The following FGD2 variants were observed in gnomAD, a reference collection of about 807,000 sequenced individuals.
The protein encoded by FGD2 is FYVE, RhoGEF and PH domain-containing protein 2.
FGD2 carries 52 observed loss-of-function variants against 75.9 expected under a neutral mutation model. The ratio of observed to expected loss-of-function variants is 0.69; its 90% CI spans 0.55 to 0.86. The LOEUF (loss-of-function observed/expected upper bound fraction) is 0.86. FGD2 is among the 40% of genes least tolerant of loss of function. FGD2 has a pLI of 0.00. For synonymous variants in FGD2, 347 were observed against 348.6 expected (o/e 1.00, Z 0.05); for missense variants, 790 against 872.0 (o/e 0.91, Z 1.18).
rs150215244 is a variant in FGD2, at chr6:37,006,306, G to T, written c.68+421G>T. ...ATGCCAAATAAAATGTGGTGGTTGTGGGGGAGGCATTACAGGTAAAGCTGG... is the reference window on the plus strand; with the variant it reads ...ATGCCAAATAAAATGTGGTGGTTGTTGGGGAGGCATTACAGGTAAAGCTGG... On this transcript the variant is annotated intron_variant, in intron 1 of 15. Transcript: ENST00000274963. 5.2e-3 allele frequency among the ~76,000 whole-genome samples: 791 copies of T among 152,310 alleles called. 8 individuals carry two copies. Among genetic ancestry groups the T allele is most frequent in the Non-Finnish European group, 6.5e-3 (442 of 68,020 alleles).
At chr6:37,018,452 G>A (rs1471534491) in intron 9 of FGD2, among the ~76,000 whole-genome samples, 1 of 152,160 alleles carries the variant, frequency 6.6e-6, no homozygotes, top group Non-Finnish European at 1.5e-5. Context: ...TCTTGCCTTT[G>A]ACCATCATGA....
Position 37,005,698 on chromosome 6 carries a change from C to G in FGD2, c.-120C>G. 1 of 1,079,646 alleles carries G rather than the reference C, an allele frequency of 9.3e-7. No individual in the cohort carries two copies. The highest frequency in any genetic ancestry group is 1.4e-6 in the Non-Finnish European group (1 of 719,926). 66.9% of individuals were successfully genotyped at this position (1,079,646 alleles called of 1,614,324 possible). The stretch of plus-strand genomic sequence containing the variant: ...GACCTTCTGAGCCCTCAAGAAAGAT[C>G]AGAACAGATTCATGGGTGATTTAGC... On this transcript the variant is annotated 5_prime_UTR_variant, in exon 1 of 16. It adds an upstream start codon to the 5' untranslated region. Transcript: ENST00000274963.
Position 37,005,736 on chromosome 6 carries a change from G to A in FGD2, c.-82G>A. ...TGGGTGATTTAGCCTATCTGTCCCA[G>A]GCCAGCGTGGCTGAGTGTGCTGGCT... is the stretch of plus-strand genomic sequence containing the variant. On this transcript the variant is annotated 5_prime_UTR_variant, in exon 1 of 16. Transcript: ENST00000274963. 6.8e-7 allele frequency: 1 copy of A among 1,465,262 alleles called. No individual in the cohort carries two copies. Among genetic ancestry groups the A allele is most frequent in the South Asian group, 1.2e-5 (1 of 84,846 alleles). 90.8% of individuals were successfully genotyped at this position (1,465,262 alleles called of 1,614,324 possible).
chr6:37,013,378 G>A, intron 4 of FGD2: 1 of 1,256,258 alleles, frequency 8.0e-7, no homozygotes, highest in Non-Finnish European at 1.0e-6. Flanking sequence ...ACTGTGCCGG[G>A]CCTTGTGGAT....
rs1408908718 is a variant in FGD2 at position 37,008,974 on chromosome 6, GGA to G, written c.211_212del (p.Arg71ValfsTer108). 6.2e-7 allele frequency: 1 copy of G among 1,614,274 alleles called. No homozygotes were observed. Among genetic ancestry groups the G allele is most frequent in the South Asian group, 1.1e-5 (1 of 91,090 alleles). On this transcript the variant is annotated frameshift_variant, in exon 2 of 16. Transcript: ENST00000274963. LOFTEE classifies it high-confidence loss of function. ...GGGTCTGAGCCCAGGACAGTCAGCA[GGA>G]GGTACCTGAACTCCCTGAAGAACAA...
chr6:37,015,199 A>G (rs1283349589), intron 8 of FGD2, among the ~76,000 whole-genome samples, 161 bp downstream of exon 8: 1 of 152,196 alleles, frequency 6.6e-6, no homozygotes, highest in African/African-American at 2.4e-5. Flanking sequence ...GACTTTGGAC[A>G]GGTCACCTGC....
intron 11 of FGD2, among the ~76,000 whole-genome samples, 161 bp downstream of exon 11, chr6:37,020,900 G>GTGTGTC (rs1477839377): frequency 1.3e-5 from 2 of 151,372 alleles, no homozygotes; most frequent in Admixed American, 1.3e-4. Flanking sequence ...GTGTGTGTGT[G>GTGTGTC]TGTGTGTGTG....
rs748965234 is a variant in FGD2 at position 37,027,990 on chromosome 6, G to A, written c.1795G>A (p.Val599Met). The change falls in exon 16 of 16, where the codon GTG becomes ATG. Residue 599 changes from valine (V) to methionine (M), a missense_variant. By Grantham distance (21) the Val-to-Met change is conservative (BLOSUM62 1). Coordinates refer to ENST00000274963, the MANE Select transcript of FGD2 (RefSeq NM_173558.4). ...HTSIPLLGYQ[V>M]TVGPQGDPRV... Reference sequence around the variant, plus strand: ...CTCCATCCCCCTGCTGGGCTACCAGGTGACTGTTGGGCCCCAGGGGGACCC... The same window carrying A: ...CTCCATCCCCCTGCTGGGCTACCAGATGACTGTTGGGCCCCAGGGGGACCC... 1 of 1,614,100 alleles carries A rather than the reference G, an allele frequency of 6.2e-7. No homozygotes were observed. The highest frequency in any genetic ancestry group is 8.5e-7 in the Non-Finnish European group (1 of 1,180,028).
chr6:37,016,558 G>A (rs879645247), intron 9 of FGD2, among the ~76,000 whole-genome samples: 1 of 146,444 alleles, frequency 6.8e-6, no homozygotes, highest in Non-Finnish European at 1.5e-5. Context: ...TTTTGAGACC[G>A]AGTCTCACTC....
chr6:37,027,667 T>C (rs1765891888), intron 15 of FGD2, 92 bp downstream of exon 15: 6 of 1,479,392 alleles, frequency 4.1e-6, no homozygotes, highest in Non-Finnish European at 5.5e-6. Context: ...GCTAGCTCCA[T>C]ATGTCAGATA....
chr6:37,026,072 T>C, intron 14 of FGD2, 134 bp downstream of exon 14: 1 of 1,463,014 alleles, frequency 6.8e-7, no homozygotes, highest in Non-Finnish European at 9.0e-7. Context: ...CCTCTCCCTC[T>C]TCCTCTCTCT....
intron 7 of FGD2, 76 bp from the exon 8 acceptor site, chr6:37,014,816 G>C (rs554814685): frequency 2.5e-6 from 4 of 1,608,534 alleles, no homozygotes. Flanking sequence ...CCCAGTCCCC[G>C]TCCCCACAAG....
chr6:37,025,741 G>A, intron 13 of FGD2, 51 bp from the exon 14 acceptor site: 1 of 1,608,380 alleles, frequency 6.2e-7, no homozygotes, highest in Non-Finnish European at 8.5e-7. Context: ...CAGGAGCCCA[G>A]CCCTCCGGTG....
chr6:37,015,574 T>G (rs1354609186), intron 8 of FGD2, among the ~76,000 whole-genome samples, 194 bp from the exon 9 acceptor site: 1 of 152,178 alleles, frequency 6.6e-6, no homozygotes, highest in East Asian at 1.9e-4. Flanking sequence ...CTAGGGGAAT[T>G]GGGAGCTTGA....
intron 4 of FGD2, 105 bp downstream of exon 4, chr6:37,011,959 A>G (rs1209334916): frequency 1.5e-6 from 2 of 1,312,438 alleles, no homozygotes; most frequent in Non-Finnish European, 2.1e-6. Flanking sequence ...CCAGGCCCTT[A>G]TTGTGTGGCC....
intron 14 of FGD2, 73 bp from the exon 15 acceptor site, chr6:37,027,356 T>C (rs867247726): frequency 2.6e-6 from 4 of 1,526,650 alleles, no homozygotes; most frequent in Middle Eastern, 3.5e-4. Flanking sequence ...AGATAGTGAT[T>C]GTCAAGCCCC....
intron 9 of FGD2, among the ~76,000 whole-genome samples, chr6:37,018,658 C>A (rs1765420139): frequency 6.6e-6 from 1 of 152,222 alleles, no homozygotes; most frequent in African/African-American, 2.4e-5. Flanking sequence ...GCAGGTTGTA[C>A]ACTGCACAAG....
chr6:37,011,556 C>T (rs1765004468), intron 3 of FGD2, 150 bp from the exon 4 acceptor site: 2 of 1,083,034 alleles, frequency 1.8e-6, no homozygotes, highest in South Asian at 2.8e-5. Flanking sequence ...ACAACCTCCC[C>T]TGCCTTCTTT....
chr6:37,022,546 G>A (rs894254240), intron 13 of FGD2, 176 bp downstream of exon 13: 3 of 834,162 alleles, frequency 3.6e-6, no homozygotes, highest in East Asian at 3.3e-5. Flanking sequence ...GCCTCCACCT[G>A]TGTCACCCAG....
Sources: gnomAD v4.1 joint callset for allele counts (sites outside exome capture counted in the v4.1 genomes callset) on GRCh38, gnomAD v4.1.1 for gene constraint, MANE v1.5 for transcripts, NCBI Gene and HGNC (gene_info 2026-07-23, HGNC 2026-07-21) for gene names.